The following LOC400499 variants were observed in gnomAD, a reference collection of about 807,000 sequenced individuals.
At chr16:11,457,032 A>G in the LOC400499 span, 1 of 1,524,894 alleles carries the variant, frequency 6.6e-7, no homozygotes, top group Non-Finnish European at 8.8e-7. Context: ...AGGCACCTGC[A>G]GCACAAACTG....
At chr16:11,475,597 C>T in the LOC400499 span, 8 of 399,030 alleles carry the variant, frequency 2.0e-5, no homozygotes, top group African/African-American at 1.6e-4. Context: ...CACCTTGGTA[C>T]AATGTCATGG....
the LOC400499 span, chr16:11,384,256 G>C: frequency 1.6e-6 from 2 of 1,232,352 alleles, no homozygotes; most frequent in Non-Finnish European, 1.0e-6. Context: ...GCGGGCCATA[G>C]AGCCATCCGG....
the LOC400499 span, chr16:11,393,380 C>G: frequency 1.6e-6 from 2 of 1,232,206 alleles, no homozygotes; most frequent in Non-Finnish European, 1.0e-6. Flanking sequence ...TGGGACCCAG[C>G]TGCCACTCAC....
chr16:11,424,048 G>A, the LOC400499 span: 2 of 399,108 alleles, frequency 5.0e-6, no homozygotes, highest in Middle Eastern at 6.3e-4. Context: ...CAAAGCTGTT[G>A]GGTGTCCCTG....
chr16:11,433,868 G>A, the LOC400499 span, among the ~76,000 whole-genome samples: 1 of 152,202 alleles, frequency 6.6e-6, no homozygotes, highest in African/African-American at 2.4e-5. Flanking sequence ...TGCCCTATGC[G>A]TCTCTTCCAT....
the LOC400499 span, chr16:11,401,393 G>A: frequency 5.0e-6 from 2 of 399,742 alleles, no homozygotes; most frequent in South Asian, 1.3e-4. Flanking sequence ...CCACAGGGAG[G>A]AGGAGACCAG....
the LOC400499 span, among the ~76,000 whole-genome samples, chr16:11,382,018 C>G: frequency 0.05 from 7,522 of 151,948 alleles, 643 homozygotes; most frequent in African/African-American, 0.17. Flanking sequence ...TCTCGGCTCA[C>G]TGCAACCTCC....
At chr16:11,460,518 G>C in the LOC400499 span, 2 of 1,534,306 alleles carry the variant, frequency 1.3e-6, no homozygotes, top group South Asian at 2.4e-5. Flanking sequence ...TGGAGCTCGT[G>C]GCGCAGCTCC....
At chr16:11,456,028 A>T in the LOC400499 span, among the ~76,000 whole-genome samples, 1 of 147,568 alleles carries the variant, frequency 6.8e-6, no homozygotes, top group Non-Finnish European at 1.5e-5. Context: ...ATGGAAAAAA[A>T]AATTCGTGGA....
At chr16:11,377,515 C>T in the LOC400499 span, among the ~76,000 whole-genome samples, 7 of 152,174 alleles carry the variant, frequency 4.6e-5, no homozygotes, top group Non-Finnish European at 8.8e-5. Context: ...TTTTTAATCA[C>T]GAAAGGGTAT....
the LOC400499 span, among the ~76,000 whole-genome samples, chr16:11,422,522 A>G: frequency 6.6e-6 from 1 of 151,794 alleles, no homozygotes; most frequent in Non-Finnish European, 1.5e-5. Context: ...AGCAGCTGCG[A>G]TCACTGCCTG....
At chr16:11,426,130 C>T in the LOC400499 span, among the ~76,000 whole-genome samples, 2 of 152,296 alleles carry the variant, frequency 1.3e-5, no homozygotes, top group Admixed American at 6.5e-5. Flanking sequence ...CTATATTCAA[C>T]ACCCATTCTT....
chr16:11,462,199 C>T, the LOC400499 span: 5 of 1,534,880 alleles, frequency 3.3e-6, no homozygotes, highest in Non-Finnish European at 4.4e-6. Flanking sequence ...GTGTGAGGTT[C>T]CCGGTGAAGA....
chr16:11,494,363 T>TG, the LOC400499 span, among the ~76,000 whole-genome samples: 132 of 49,950 alleles, frequency 2.6e-3, no homozygotes, highest in Admixed American at 0.012. Flanking sequence ...GGCAGTGGTG[T>TG]GGGGGGGGCA....
the LOC400499 span, chr16:11,470,783 G>C: frequency 6.6e-6 from 1 of 152,460 alleles, no homozygotes; most frequent in Non-Finnish European, 1.5e-5. Context: ...GGCCCTGACC[G>C]GGATGCTGGT....
At chr16:11,523,564 G>C in the LOC400499 span, 3 of 397,222 alleles carry the variant, frequency 7.6e-6, no homozygotes, top group Non-Finnish European at 1.3e-5. Flanking sequence ...ACTCTGGGAA[G>C]AAGATGAGAA....
At chr16:11,516,766 C>G in the LOC400499 span, among the ~76,000 whole-genome samples, 776 of 152,246 alleles carry the variant, frequency 5.1e-3, 5 homozygotes, top group Non-Finnish European at 9.2e-3. Flanking sequence ...CTGCCTCAGC[C>G]TCCCAAATGG....
the LOC400499 span, among the ~76,000 whole-genome samples, chr16:11,451,136 C>T: frequency 6.6e-6 from 1 of 152,146 alleles, no homozygotes; most frequent in Admixed American, 6.5e-5. Flanking sequence ...TTACTTTCAA[C>T]TGCACGGAAA....
chr16:11,387,224 G>A, the LOC400499 span: 64 of 1,232,344 alleles, frequency 5.2e-5, no homozygotes, highest in Middle Eastern at 2.8e-3. Context: ...GAGGTAGCTG[G>A]TCACCCGGGC....
Sources: allele counts gnomAD v4.1 joint callset (sites outside exome capture counted in the v4.1 genomes callset), GRCh38; gene constraint gnomAD v4.1.1; transcripts MANE v1.5.